Variants in TULP4 observed in about 807,000 individuals in gnomAD.
TULP4 encodes TUB like protein 4, also known as tubby-related protein 4.
TULP4 carries 16 observed loss-of-function variants against 129.0 expected under a neutral mutation model. The observed-to-expected ratio is 0.12, with a 90% CI of 0.08 to 0.19. The LOEUF (loss-of-function observed/expected upper bound fraction) is 0.19. Ranked by LOEUF, TULP4 falls within the 10% of genes least tolerant of loss-of-function variation. The pLI, the probability that TULP4 is intolerant of heterozygous loss-of-function variation, is 1.00. For missense variants in TULP4, 1,842 were observed against 2,059.1 expected (o/e 0.89, Z 2.04); for synonymous variants, 998 against 854.0 (o/e 1.17, Z -2.94).
rs116937757 is a variant in TULP4 at position 158,303,269 on chromosome 6, G to T, written n.117-8782G>T. 3.3e-4 allele frequency among the ~76,000 whole-genome samples: 50 copies of T among 152,000 alleles called. No homozygotes were observed. The East Asian group carries it at 9.5e-3, about 29-fold the overall frequency. On this transcript the variant is annotated intron_variant and non_coding_transcript_variant, in intron 1 of 1. Coordinates refer to the TULP4 transcript ENST00000432358. The stretch of plus-strand genomic sequence containing the variant: ...AATTTCAATGTAGGTTCTATTTTCC[G>T]TAAGTGTTGGCCGGCTGAGAAATAA...
At chr6:158,359,553 G>A (rs1174885372) in intron 1 of TULP4, among the ~76,000 whole-genome samples, 1 of 152,126 alleles carries the variant, frequency 6.6e-6, no homozygotes, top group Non-Finnish European at 1.5e-5. Flanking sequence ...TGGAGGCTAA[G>A]CCAGTCTAAT....
chr6:158,330,535 A>C (rs1208109624), intron 1 of TULP4, among the ~76,000 whole-genome samples: 1 of 152,142 alleles, frequency 6.6e-6, no homozygotes, highest in Non-Finnish European at 1.5e-5. Context: ...TCCCCCCTGG[A>C]TCATTTGAGA....
At chr6:158,424,029 G>A (rs1438863508) in intron 2 of TULP4, among the ~76,000 whole-genome samples, 1 of 151,998 alleles carries the variant, frequency 6.6e-6, no homozygotes, top group Non-Finnish European at 1.5e-5. Context: ...ATCTGATAAA[G>A]GATTATATCT....
At chr6:158,238,090 A>G (rs1490147555) in intron 1 of TULP4, 1 of 718,130 alleles carries the variant, frequency 1.4e-6, no homozygotes, top group East Asian at 2.6e-5. Flanking sequence ...TCATGGCTAC[A>G]CATGGTCACT....
chr6:158,438,106 A>G (rs1778791331), intron 3 of TULP4: 1 of 152,190 alleles, frequency 6.6e-6, no homozygotes, highest in Admixed American at 6.5e-5. Context: ...ATAAAAAGTA[A>G]ATGACTCTGT....
At chr6:158,402,397 TCA>T (rs902713893) in intron 1 of TULP4, among the ~76,000 whole-genome samples, 15 of 152,268 alleles carry the variant, frequency 9.9e-5, no homozygotes, top group Admixed American at 5.2e-4. Flanking sequence ...GTGGATGGAG[TCA>T]CAGATTGGTT....
chr6:158,309,214 C>T (rs1406419486), upstream of TULP4, among the ~76,000 whole-genome samples: 20 of 67,940 alleles, frequency 2.9e-4, 1 homozygote, highest in African/African-American at 7.8e-4. Context: ...ACTTCTCAGA[C>T]GGGACGGCCG....
In TULP4 at chr6:158,509,950, T is replaced by G. The variant is rs1780700263; in HGVS notation, c.*3256T>G. On this transcript the variant is annotated 3_prime_UTR_variant, in exon 14 of 14. Coordinates refer to ENST00000367097, the MANE Select transcript of TULP4 (RefSeq NM_020245.5). ...AGGAGATTTCTAAAAATTTAATGTTTATTAATAGTTTATGAATATCAAGAT... is the reference window on the plus strand; with the variant it reads ...AGGAGATTTCTAAAAATTTAATGTTGATTAATAGTTTATGAATATCAAGAT... The G allele has an allele frequency of 6.6e-6, 1 of 152,238 alleles. No individual in the cohort carries two copies. The highest frequency in any genetic ancestry group is 1.5e-5 in the Non-Finnish European group (1 of 68,040). The allele number at this position is 152,238 out of a possible 1,614,324, so 9.4% of individuals were successfully genotyped here.
At chr6:158,304,812 G>T (rs566192812) in intron 1 of TULP4, among the ~76,000 whole-genome samples, 1 of 151,834 alleles carries the variant, frequency 6.6e-6, no homozygotes, top group Non-Finnish European at 1.5e-5. Context: ...GACTACAGGT[G>T]TGCATCTCCA....
chr6:158,291,712 A>G (rs1211596949), intron 1 of TULP4, among the ~76,000 whole-genome samples: 2 of 151,516 alleles, frequency 1.3e-5, no homozygotes, highest in Non-Finnish European at 2.9e-5. Context: ...TTGATCTCTT[A>G]TATTTCTATC....
chr6:158,288,951 G>A (rs1778879901), intron 1 of TULP4, among the ~76,000 whole-genome samples: 1 of 152,096 alleles, frequency 6.6e-6, no homozygotes, highest in Non-Finnish European at 1.5e-5. Context: ...AGAACTAGTT[G>A]TGGCTATTAT....
At chr6:158,390,487 G>A (rs772590058) in intron 1 of TULP4, among the ~76,000 whole-genome samples, 1 of 151,878 alleles carries the variant, frequency 6.6e-6, no homozygotes, top group African/African-American at 2.4e-5. Context: ...TAGCATCTTC[G>A]AATTAAAAAA....
At chr6:158,371,003 C>T (rs1359941263) in intron 1 of TULP4, among the ~76,000 whole-genome samples, 1 of 152,236 alleles carries the variant, frequency 6.6e-6, no homozygotes, top group African/African-American at 2.4e-5. Flanking sequence ...CCAGTTCTAG[C>T]TCCCTTACAG....
At chr6:158,480,065 T>G (rs1004917211) in intron 7 of TULP4, 90 bp downstream of exon 7, 2 of 1,043,588 alleles carry the variant, frequency 1.9e-6, no homozygotes, top group Non-Finnish European at 2.8e-6. Context: ...GGTACCAGAG[T>G]GAGCACATGG....
At chr6:158,418,273 T>G (rs1417349783) in intron 2 of TULP4, among the ~76,000 whole-genome samples, 1 of 151,750 alleles carries the variant, frequency 6.6e-6, no homozygotes, top group Non-Finnish European at 1.5e-5. Flanking sequence ...CACCCGGCTA[T>G]TTTTTTATAC....
At chr6:158,425,175 A>G (rs1281990829) in intron 2 of TULP4, among the ~76,000 whole-genome samples, 1 of 147,188 alleles carries the variant, frequency 6.8e-6, no homozygotes, top group African/African-American at 2.6e-5. Flanking sequence ...AAAAAAAAAA[A>G]AAAAAGACAA....
At chr6:158,291,688 A>G (rs861179) in intron 1 of TULP4, among the ~76,000 whole-genome samples, 46,474 of 151,706 alleles carry the variant, frequency 0.31, 7,391 homozygotes, top group Middle Eastern at 0.38. Flanking sequence ...TTTTTAATCT[A>G]TCTTTCATTT....
chr6:158,285,264 C>A (rs1778816042), intron 1 of TULP4, among the ~76,000 whole-genome samples: 1 of 151,952 alleles, frequency 6.6e-6, no homozygotes, highest in African/African-American at 2.4e-5. Context: ...CAACAATAAA[C>A]AATTCTTTAT....
In TULP4 at chr6:158,332,169, C is replaced by CAA. The variant is rs1169601263; in HGVS notation, c.252+17932_252+17933dup. ...CCTGGTCGACAGAGTAAGACTCTGT[C>CAA]AAAAAAAAAAAAAAAAAAAAAAAAA... On this transcript the variant is annotated intron_variant, in intron 1 of 13. Coordinates refer to ENST00000367097, the MANE Select transcript of TULP4 (RefSeq NM_020245.5). 1.2e-3 allele frequency among the ~76,000 whole-genome samples: 81 copies of CAA among 65,242 alleles called. 1 individual carries two copies. The highest frequency in any genetic ancestry group is 1.8e-3 in the African/African-American group (20 of 11,416). The allele number at this position is 65,242 out of a possible 152,430, so 42.8% of individuals were successfully genotyped here.
Sources: allele counts gnomAD v4.1 joint callset (sites outside exome capture counted in the v4.1 genomes callset), GRCh38; gene constraint gnomAD v4.1.1; transcripts MANE v1.5; gene names NCBI Gene and HGNC (gene_info 2026-07-23, HGNC 2026-07-21).